Variants in PDE1C observed in about 807,000 individuals in gnomAD.
The protein encoded by PDE1C is dual specificity calcium/calmodulin-dependent 3',5'-cyclic nucleotide phosphodiesterase 1C.
In PDE1C, 62 loss-of-function variants were observed where a neutral mutation model predicts 93.1. The ratio of observed to expected loss-of-function variants is 0.67; its 90% confidence interval spans 0.54 to 0.82. The LOEUF (loss-of-function observed/expected upper bound fraction) is 0.82. Ranked by LOEUF, PDE1C falls within the 40% of genes least tolerant of loss-of-function variation. The probability of loss-of-function intolerance (pLI) is 0.00; values close to 1 mark genes in which losing one functional copy is unlikely to be tolerated. For synonymous variants in PDE1C, 325 were observed against 310.1 expected, an observed-to-expected ratio of 1.05 and a Z score of -0.50; for missense variants, 742 against 884.6, an observed-to-expected ratio of 0.84 and a Z score of 2.04.
At chr7:32,220,015 C>G (rs539315552) in intron 1 of PDE1C, among the ~76,000 whole-genome samples, 2 of 152,266 alleles carry the variant, frequency 1.3e-5, no homozygotes, top group South Asian at 4.2e-4. Context: ...CTCATTCTCT[C>G]TTATCTGCCA....
intron 1 of PDE1C, among the ~76,000 whole-genome samples, chr7:32,215,609 C>T (rs1430558162): frequency 1.3e-5 from 2 of 152,126 alleles, no homozygotes; most frequent in Non-Finnish European, 2.9e-5. Context: ...GCATCCTAAC[C>T]CCAGACCACC....
chr7:32,125,166 A>T (rs189780257), intron 3 of PDE1C, among the ~76,000 whole-genome samples: 14 of 152,362 alleles, frequency 9.2e-5, no homozygotes, highest in African/African-American at 3.1e-4. Flanking sequence ...AACCATAACG[A>T]GATACCATCT....
At chr7:31,853,984 C>T (rs892792751) in intron 7 of PDE1C, among the ~76,000 whole-genome samples, 1 of 151,678 alleles carries the variant, frequency 6.6e-6, no homozygotes, top group African/African-American at 2.4e-5. Flanking sequence ...ATCTGGGCCT[C>T]CCAAAATTCT....
chr7:31,739,200 GACACACACAC>G, the PDE1C span, among the ~76,000 whole-genome samples: 17 of 143,162 alleles, frequency 1.2e-4, no homozygotes, highest in Non-Finnish European at 1.8e-4. Context: ...GTAACTTTTA[GACACACACAC>G]ACACACACAC....
intron 1 of PDE1C, among the ~76,000 whole-genome samples, chr7:32,214,086 G>A (rs547825640): frequency 2.0e-5 from 3 of 152,088 alleles, no homozygotes; most frequent in African/African-American, 7.2e-5. Flanking sequence ...GTATATATAT[G>A]TACATGTGTA....
chr7:32,100,805 A>G (rs1199344395), intron 3 of PDE1C, among the ~76,000 whole-genome samples: 5 of 152,178 alleles, frequency 3.3e-5, no homozygotes, highest in African/African-American at 1.2e-4. Flanking sequence ...CTGCACTCCA[A>G]CTGAAGGCCA....
intron 1 of PDE1C, among the ~76,000 whole-genome samples, chr7:32,247,384 G>A: frequency 6.7e-6 from 1 of 148,202 alleles, no homozygotes; most frequent in East Asian, 2.0e-4. Context: ...GATAAGGAAT[G>A]ATACATGGCA....
intron 1 of PDE1C, among the ~76,000 whole-genome samples, chr7:32,247,312 TTGTC>T (rs372867389): frequency 8.1e-6 from 1 of 122,768 alleles, no homozygotes; most frequent in African/African-American, 3.1e-5. Flanking sequence ...TTTTTATTTA[TTGTC>T]TGTCTGTATG....
intron 2 of PDE1C, among the ~76,000 whole-genome samples, chr7:31,957,416 T>G (rs73310527): frequency 0.067 from 10,172 of 151,914 alleles, 591 homozygotes; most frequent in African/African-American, 0.16. Flanking sequence ...GAGACCCCAG[T>G]AGAGTCTGGA....
chr7:32,383,813 C>G (rs1165424446), intron 1 of PDE1C, among the ~76,000 whole-genome samples: 1 of 152,216 alleles, frequency 6.6e-6, no homozygotes, highest in African/African-American at 2.4e-5. Context: ...TCAGCCACTC[C>G]TGGGTTGACC....
At chr7:31,841,260 T>A (rs1791858479) in intron 9 of PDE1C, among the ~76,000 whole-genome samples, 1 of 151,502 alleles carries the variant, frequency 6.6e-6, no homozygotes, top group African/African-American at 2.4e-5. Context: ...TGTGCATATA[T>A]GCATATGTGT....
intron 12 of PDE1C, 119 bp downstream of exon 12, chr7:31,828,173 G>T: frequency 1.4e-6 from 1 of 695,594 alleles, no homozygotes; most frequent in South Asian, 2.0e-5. Flanking sequence ...GCAGAGCCAT[G>T]AGCACAACAT....
At chr7:31,847,829 G>A in intron 9 of PDE1C, 139 bp downstream of exon 9, 1 of 803,102 alleles carries the variant, frequency 1.2e-6, no homozygotes, top group East Asian at 2.5e-5. Flanking sequence ...GAGAGGGTGA[G>A]AGTGAGAGAA....
At chr7:32,258,975 G>T (rs191711550) in intron 1 of PDE1C, among the ~76,000 whole-genome samples, 5 of 152,104 alleles carry the variant, frequency 3.3e-5, no homozygotes, top group African/African-American at 9.7e-5. Context: ...TCCATGGTGC[G>T]CCCAGGACTG....
chr7:31,737,465 A>G, the PDE1C span, among the ~76,000 whole-genome samples: 1 of 152,148 alleles, frequency 6.6e-6, no homozygotes, highest in Non-Finnish European at 1.5e-5. Flanking sequence ...ATTCACTCTC[A>G]AATATAAAAC....
chr7:31,815,868 T>C, intron 15 of PDE1C, 56 bp downstream of exon 15: 1 of 1,306,694 alleles, frequency 7.7e-7, no homozygotes, highest in Non-Finnish European at 1.1e-6. Flanking sequence ...CCAGTTTCCA[T>C]TCATTATGTC....
At chr7:31,667,509 G>A in the PDE1C span, among the ~76,000 whole-genome samples, 1 of 152,098 alleles carries the variant, frequency 6.6e-6, no homozygotes, top group Non-Finnish European at 1.5e-5. Context: ...AGCTATTGAC[G>A]CCCGTGCTAT....
upstream of PDE1C, among the ~76,000 whole-genome samples, chr7:32,072,260 GA>G (rs1796107879): frequency 6.6e-6 from 1 of 152,174 alleles, no homozygotes; most frequent in Non-Finnish European, 1.5e-5. Flanking sequence ...CCTGTTTGAT[GA>G]AAAACGACTT....
chr7:31,834,357 G>T (rs1441034289), intron 11 of PDE1C, among the ~76,000 whole-genome samples: 1 of 152,164 alleles, frequency 6.6e-6, no homozygotes, highest in Non-Finnish European at 1.5e-5. Flanking sequence ...TCCCAGAATG[G>T]TAGGTCCACT....
Sources: gnomAD v4.1 joint callset for allele counts (sites outside exome capture counted in the v4.1 genomes callset) on GRCh38, gnomAD v4.1.1 for gene constraint, MANE v1.5 for transcripts, NCBI Gene and HGNC (gene_info 2026-07-23, HGNC 2026-07-21) for gene names.